Variants in RNF31 observed in about 807,000 individuals in gnomAD.
RNF31 encodes E3 ubiquitin-protein ligase RNF31.
Under a neutral mutation model 133.6 loss-of-function variants are expected in RNF31, and 38 were observed. The ratio of observed to expected loss-of-function variants is 0.28; its 90% CI spans 0.22 to 0.37. The LOEUF (loss-of-function observed/expected upper bound fraction) is 0.37, where lower values mean the gene tolerates loss of function less well. Among genes scored for constraint, RNF31 ranks in the 10% least tolerant of loss-of-function variants. The pLI, the probability that RNF31 is intolerant of heterozygous loss-of-function variation, is 1.00. For synonymous variants in RNF31, 582 were observed against 552.3 expected, an observed-to-expected ratio of 1.05 and a Z score of -0.75; for missense variants, 1,118 against 1,394.1, an observed-to-expected ratio of 0.80 and a Z score of 3.15.
At chr14:24,157,433 T>C (rs1467542271) in intron 15 of RNF31, 29 bp downstream of exon 15, 2 of 1,605,676 alleles carry the variant, frequency 1.2e-6, no homozygotes, top group South Asian at 1.1e-5. Flanking sequence ...GCCTGTTTGC[T>C]CAGAAGCCTG....
intron 5 of RNF31, 129 bp downstream of exon 5, chr14:24,149,005 C>G: frequency 1.1e-6 from 1 of 927,644 alleles, no homozygotes; most frequent in Non-Finnish European, 1.7e-6. Flanking sequence ...CTCTTGTTGC[C>G]CAGGCTGGAG....
rs200013003 is a variant in RNF31 at position 24,148,048 on chromosome 14, C to T, written c.265C>T (p.Pro89Ser). Residue 89 changes from proline to serine, a missense_variant, in exon 2 of 21, where the codon CCT becomes TCT. Coordinates refer to ENST00000324103, the MANE Select transcript of RNF31 (RefSeq NM_017999.5). Reference protein sequence around the residue: ...LEKYGRNLLSPQRPRYWRGVK... With the variant: ...LEKYGRNLLSSQRPRYWRGVK... Reference sequence around the variant, plus strand: ...GAAATACGGCCGCAACCTTCTCAGCCCTCAGCGGCCTCGGTACTGGCGTGG... The same window carrying T: ...GAAATACGGCCGCAACCTTCTCAGCTCTCAGCGGCCTCGGTACTGGCGTGG... 464 of 1,614,130 alleles carry T rather than the reference C, an allele frequency of 2.9e-4. No individual in the cohort carries two copies. The highest frequency in any genetic ancestry group is 3.7e-4 in the Non-Finnish European group (439 of 1,180,054).
chr14:24,149,589 A>C lies in RNF31; in HGVS notation c.809+6A>C, dbSNP rs2038231988. ...GGTACCCACCTGAGCCCCAGGTGAGAGGGCTTCTCTTCTGGGTGGGAGTGA... is the reference window on the plus strand; with the variant it reads ...GGTACCCACCTGAGCCCCAGGTGAGCGGGCTTCTCTTCTGGGTGGGAGTGA... On this transcript the variant is annotated splice_donor_region_variant and intron_variant, in intron 6 of 20. Coordinates refer to ENST00000324103, the MANE Select transcript of RNF31 (RefSeq NM_017999.5). The C allele has an allele frequency of 1.2e-6, 2 of 1,610,444 alleles. No individual in the cohort carries two copies. Among genetic ancestry groups the C allele is most frequent in the African/African-American group, 2.7e-5 (2 of 74,870 alleles).
chr14:24,154,250 C>T (rs527367451), intron 11 of RNF31, among the ~76,000 whole-genome samples: 8 of 152,274 alleles, frequency 5.3e-5, no homozygotes, highest in African/African-American at 1.2e-4. Flanking sequence ...CTCCGCCTCC[C>T]GAGTTCAAGT....
At chr14:24,149,244 T>G in intron 5 of RNF31, 162 bp from the exon 6 acceptor site, 136 of 737,236 alleles carry the variant, frequency 1.8e-4, no homozygotes, top group Non-Finnish European at 2.7e-4. Context: ...ATTACCTGCA[T>G]GAGCCACCAC....
chr14:24,152,849 A>G (rs1464967952), intron 11 of RNF31, among the ~76,000 whole-genome samples: 1 of 152,228 alleles, frequency 6.6e-6, no homozygotes, highest in Non-Finnish European at 1.5e-5. Context: ...TGGGAGGCCA[A>G]GGCAGGCCGA....
At chr14:24,154,996 G>A (rs2038320260) in intron 11 of RNF31, 161 bp from the exon 12 acceptor site, 1 of 653,648 alleles carries the variant, frequency 1.5e-6, no homozygotes, top group Non-Finnish European at 2.6e-6. Flanking sequence ...GTCTTCAGAT[G>A]TTTACGTTGC....
Position 24,157,978 on chromosome 14 carries a change from C to G in RNF31, c.2808C>G (p.Asp936Glu). The G allele has an allele frequency of 6.2e-7, 1 of 1,614,156 alleles. No homozygotes were observed. The highest frequency in any genetic ancestry group is 8.5e-7 in the Non-Finnish European group (1 of 1,180,032). ...GAGACTGCCTCTTCTACCTGCGGGA[C>G]TGGACTGCTCTCCGGCTTCAGAAGC... ...HPRDCLFYLR[D>E]WTALRLQKLL... The change falls in exon 17 of 21, where the codon GAC becomes GAG. Residue 936 changes from aspartate to glutamate, a missense_variant. Physicochemically the swap from Asp to Glu is conservative, Grantham distance 45 (BLOSUM62 2). Coordinates refer to ENST00000324103, the MANE Select transcript of RNF31 (RefSeq NM_017999.5).
intron 11 of RNF31, among the ~76,000 whole-genome samples, chr14:24,154,508 C>T (rs1275580107): frequency 6.6e-6 from 1 of 152,150 alleles, no homozygotes; most frequent in Non-Finnish European, 1.5e-5. Context: ...GAACTCCTAG[C>T]CTCAAGTGAT....
intron 11 of RNF31, among the ~76,000 whole-genome samples, chr14:24,153,010 G>A (rs1382102812): frequency 6.6e-6 from 1 of 151,980 alleles, no homozygotes; most frequent in Non-Finnish European, 1.5e-5. Flanking sequence ...GAACTCAGGA[G>A]GCGGAGCTTG....
rs1357607470 is a variant in RNF31 at position 24,150,431 on chromosome 14, T to C, written c.1180T>C (p.Cys394Arg). 6.2e-7 allele frequency: 1 copy of C among 1,610,944 alleles called. No homozygotes were observed. Among genetic ancestry groups the C allele is most frequent in the African/African-American group, 1.3e-5 (1 of 74,892 alleles). Residue 394 changes from cysteine to arginine, a missense_variant, in exon 7 of 21, where the codon TGC (cysteine) becomes CGC (arginine). By Grantham distance (180) the Cys-to-Arg change is radical (BLOSUM62 -3). This residue lies in a region of RNF31 where 747 missense variants were observed against 827.9 expected (regional missense o/e 0.90). Coordinates refer to ENST00000324103, the MANE Select transcript of RNF31 (RefSeq NM_017999.5). ...GGTGGATTCCCGAGATGCTGGCATT[T>C]GCCTGCAACCCCTTCAGGTAACTGG... Reference protein sequence around the residue: ...LVVDSRDAGICLQPLQQGDAL... With the variant: ...LVVDSRDAGIRLQPLQQGDAL...
chr14:24,148,652 C>T lies in RNF31; in HGVS notation c.506C>T (p.Pro169Leu), dbSNP rs1406903054. Residue 169 changes from proline (P) to leucine (L), a missense_variant, in exon 4 of 21, where the codon CCA becomes CTA. Pro to Leu is a moderately conservative substitution (Grantham distance 98, BLOSUM62 -3). Coordinates refer to ENST00000324103, the MANE Select transcript of RNF31 (RefSeq NM_017999.5). ...ELSLLLQNTH[P>L]RQQALEQLLE... ...TCTGTATTATTGCAGAATACTCATC[C>T]AAGACAGCAGGCACTGGAGCAGCTG... The T allele has an allele frequency of 3.1e-6, 5 of 1,614,012 alleles. No homozygotes were observed. The highest frequency in any genetic ancestry group is 2.2e-5 in the East Asian group (1 of 44,902).
At chr14:24,153,693 C>T (rs2038301501) in intron 11 of RNF31, among the ~76,000 whole-genome samples, 1 of 152,034 alleles carries the variant, frequency 6.6e-6, no homozygotes, top group Non-Finnish European at 1.5e-5. Flanking sequence ...CACCTGAGGT[C>T]AGGAGTTCGA....
rs1389682412 is a variant in RNF31 at position 24,155,168 on chromosome 14, G to A, written c.2142G>A (p.Leu714=). The change falls in exon 12 of 21, where the codon CTG becomes CTA. Residue 714 remains leucine (L), a synonymous_variant. Transcript: ENST00000324103. The surrounding 1 kb of genome is among the most constrained non-coding windows in gnomAD (Gnocchi z 4.9). ...WALPHNRMQA[L]TSCECTICPD... The stretch of plus-strand genomic sequence containing the variant: ...CCCTCACCCTCCAGATGCAGGCCCT[G>A]ACTTCCTGTGAGTGCACCATCTGTC... 1.2e-6 allele frequency: 2 copies of A among 1,613,902 alleles called. No homozygotes were observed. Among genetic ancestry groups the A allele is most frequent in the Non-Finnish European group, 1.7e-6 (2 of 1,179,954 alleles).
Position 24,147,613 on chromosome 14 carries a change from C to A in RNF31, c.-86C>A. The stretch of plus-strand genomic sequence containing the variant: ...CGGGGTGGGCCTCAAAGCCGGGCAC[C>A]AGACGGGAGGGGCGGCGCTCGGGCC... On this transcript the variant is annotated 5_prime_UTR_variant, in exon 1 of 21. Coordinates refer to ENST00000324103, the MANE Select transcript of RNF31 (RefSeq NM_017999.5). The A allele has an allele frequency of 1.6e-6, 2 of 1,259,162 alleles. No individual in the cohort carries two copies. Among genetic ancestry groups the A allele is most frequent in the Non-Finnish European group, 2.1e-6 (2 of 975,536 alleles). 78.0% of individuals were successfully genotyped at this position (1,259,162 alleles called of 1,614,324 possible).
rs1320373647 is a variant in RNF31 at position 24,151,565 on chromosome 14, A to G, written c.1818A>G (p.Ser606=). The change falls in exon 10 of 21, where the codon TCA becomes TCG. Residue 606 remains serine (S), a synonymous_variant. Transcript: ENST00000324103. The surrounding 1 kb of genome is among the most constrained non-coding windows in gnomAD (Gnocchi z 5.3). The part of the protein sequence containing the change: ...QALFQHGGDV[S]RALTELQRQR... ...TGTTCCAGCACGGAGGTGATGTGTCACGGGCCCTGACTGAGCTACAGCGCC... is the reference window on the plus strand; with the variant it reads ...TGTTCCAGCACGGAGGTGATGTGTCGCGGGCCCTGACTGAGCTACAGCGCC... 6.2e-7 allele frequency: 1 copy of G among 1,614,110 alleles called. No homozygotes were observed. Among genetic ancestry groups the G allele is most frequent in the Admixed American group, 1.7e-5 (1 of 60,018 alleles).
intron 18 of RNF31, 35 bp from the exon 19 acceptor site, chr14:24,159,829 T>G: frequency 6.4e-7 from 1 of 1,568,328 alleles, no homozygotes; most frequent in Non-Finnish European, 8.8e-7. Flanking sequence ...GTCATTGGCC[T>G]CCCAACAGAG....
Position 24,151,467 on chromosome 14 carries a change from G to C in RNF31, c.1738-18G>C. 6.2e-7 allele frequency: 1 copy of C among 1,613,752 alleles called. No individual in the cohort carries two copies. ...TTGCTTTCCCACTTCATTCCCCCTT[G>C]CCACTCCCATCTTGCAGGTGCAGGA... is the stretch of plus-strand genomic sequence containing the variant. On this transcript the variant is annotated intron_variant, in intron 9 of 20. Transcript: ENST00000324103. The surrounding 1 kb of genome is among the most constrained non-coding windows in gnomAD (Gnocchi z 5.3).
At chr14:24,158,557 A>T (rs1338895154) in intron 18 of RNF31, 2 of 314,874 alleles carry the variant, frequency 6.4e-6, no homozygotes, top group African/African-American at 4.3e-5. Flanking sequence ...AAGGTGTTAC[A>T]TATGGTTCTA....
Sources: gnomAD v4.1 joint callset for allele counts (sites outside exome capture counted in the v4.1 genomes callset) on GRCh38, gnomAD v4.1.1 for gene constraint, gnomAD v4.1.1 regional missense constraint, Gnocchi (gnomAD v3.1) non-coding constraint, MANE v1.5 for transcripts, NCBI Gene and HGNC (gene_info 2026-07-23, HGNC 2026-07-21) for gene names.